Variants in PLXDC2 observed in about 807,000 individuals in gnomAD.
PLXDC2 encodes plexin domain containing 2, also known as plexin domain-containing protein 2.
In PLXDC2, 40 loss-of-function variants were observed where a neutral mutation model predicts 68.9. The observed-to-expected ratio is 0.58, with a 90% confidence interval of 0.45 to 0.76. The LOEUF is 0.76. PLXDC2 is among the 30% of genes least tolerant of loss of function. PLXDC2 has a pLI of 0.00. For synonymous variants in PLXDC2, 243 were observed against 234.2 expected, an observed-to-expected ratio of 1.04 and a Z score of -0.34; for missense variants, 644 against 661.9, an observed-to-expected ratio of 0.97 and a Z score of 0.30.
At chr10:19,907,458 C>T (rs943528438) in intron 1 of PLXDC2, among the ~76,000 whole-genome samples, 7 of 152,052 alleles carry the variant, frequency 4.6e-5, no homozygotes, top group Non-Finnish European at 8.8e-5. Context: ...GTTCTGGGAT[C>T]AACATTATGA....
In PLXDC2 at chr10:19,937,544, G is replaced by GTATATATATATATATATA. The variant is rs71388881; in HGVS notation, c.113-64209_113-64192dup. On this transcript the variant is annotated intron_variant, in intron 1 of 13. Coordinates refer to ENST00000377252, the MANE Select transcript of PLXDC2 (RefSeq NM_032812.9). ...GAATACATATCACATTATAGTCAAT[G>GTATATATATATATATATA]TATATATATATATATATATATATAT... 5.0e-4 allele frequency among the ~76,000 whole-genome samples: 48 copies of GTATATATATATATATATA among 95,954 alleles called. 1 individual carries two copies. The highest frequency in any genetic ancestry group is 9.9e-4 in the African/African-American group (24 of 24,338). The allele number at this position is 95,954 out of a possible 152,430, so 62.9% of individuals were successfully genotyped here.
chr10:19,911,599 T>A (rs1833272821), intron 1 of PLXDC2, among the ~76,000 whole-genome samples: 1 of 152,236 alleles, frequency 6.6e-6, no homozygotes, highest in African/African-American at 2.4e-5. Flanking sequence ...TAAGGGATCT[T>A]TGAAGTCATC....
chr10:20,207,324 C>T (rs376639546), intron 9 of PLXDC2, among the ~76,000 whole-genome samples: 19 of 152,258 alleles, frequency 1.2e-4, no homozygotes, highest in African/African-American at 4.1e-4. Flanking sequence ...CATTTCTGCA[C>T]TTTTCCCTGG....
intron 1 of PLXDC2, among the ~76,000 whole-genome samples, chr10:19,888,429 G>A (rs1444908361): frequency 1.3e-5 from 2 of 152,160 alleles, no homozygotes; most frequent in African/African-American, 4.8e-5. Flanking sequence ...ACCAAGAGCG[G>A]GGTGCAGTGG....
At chr10:19,930,834 G>A (rs981221705) in intron 1 of PLXDC2, among the ~76,000 whole-genome samples, 1 of 151,946 alleles carries the variant, frequency 6.6e-6, no homozygotes, top group East Asian at 1.9e-4. Context: ...CTGGTTGCAG[G>A]TGCTTGCAAT....
At chr10:20,029,348 A>G (rs975685008) in intron 2 of PLXDC2, among the ~76,000 whole-genome samples, 2 of 152,186 alleles carry the variant, frequency 1.3e-5, no homozygotes, top group African/African-American at 4.8e-5. Flanking sequence ...TCCCACATAC[A>G]TAATCCATGC....
chr10:19,958,912 TAGGC>T (rs1834112981), intron 1 of PLXDC2, among the ~76,000 whole-genome samples: 1 of 152,216 alleles, frequency 6.6e-6, no homozygotes, highest in South Asian at 2.1e-4. Flanking sequence ...CAATGCTGTC[TAGGC>T]ACATTATTTT....
chr10:19,947,899 G>T (rs12357106), intron 1 of PLXDC2, among the ~76,000 whole-genome samples: 1 of 152,040 alleles, frequency 6.6e-6, no homozygotes, highest in Non-Finnish European at 1.5e-5. Context: ...TCTTATTGCA[G>T]ATGTCCCTCA....
rs1393940570 is a variant in PLXDC2, at chr10:20,289,146, A to G, written c.*9327A>G. On this transcript the variant is annotated 3_prime_UTR_variant, in exon 14 of 14. Coordinates refer to ENST00000377252, the MANE Select transcript of PLXDC2 (RefSeq NM_032812.9). ...ATTGTGGAAGAAATTCTGTGTGCAG[A>G]ATTCAGAGGCACAAGGCTGATGGCA... 6.6e-6 allele frequency: 1 copy of G among 152,220 alleles called. No homozygotes were observed. Among genetic ancestry groups the G allele is most frequent in the African/African-American group, 2.4e-5 (1 of 41,456 alleles). The allele number at this position is 152,220 out of a possible 1,614,324, so 9.4% of individuals were successfully genotyped here.
At chr10:20,109,767 A>G (rs1833535156) in intron 4 of PLXDC2, among the ~76,000 whole-genome samples, 1 of 152,210 alleles carries the variant, frequency 6.6e-6, no homozygotes, top group South Asian at 2.1e-4. Flanking sequence ...TGACTTAACT[A>G]TTCAATTAAC....
intron 13 of PLXDC2, among the ~76,000 whole-genome samples, chr10:20,258,253 G>A (rs1477301464): frequency 4.0e-5 from 6 of 151,892 alleles, no homozygotes; most frequent in South Asian, 2.1e-4. Context: ...CGCCCGCCTC[G>A]GCTTCCCAAA....
At chr10:20,180,838 C>A (rs1444991615) in intron 9 of PLXDC2, among the ~76,000 whole-genome samples, 1 of 152,030 alleles carries the variant, frequency 6.6e-6, no homozygotes, top group Admixed American at 6.6e-5. Flanking sequence ...TGGTCCATTT[C>A]TTTGAACTAA....
chr10:20,141,874 T>G (rs770111696), intron 4 of PLXDC2, among the ~76,000 whole-genome samples: 1 of 152,032 alleles, frequency 6.6e-6, no homozygotes, highest in African/African-American at 2.4e-5. Flanking sequence ...AAGATAGTGC[T>G]TGGCAAATAA....
chr10:20,191,070 G>A (rs1834758649), intron 9 of PLXDC2, among the ~76,000 whole-genome samples: 1 of 151,610 alleles, frequency 6.6e-6, no homozygotes, highest in Non-Finnish European at 1.5e-5. Context: ...TGTCATTCAT[G>A]GAAAAGTGCA....
intron 12 of PLXDC2, among the ~76,000 whole-genome samples, chr10:20,220,713 T>C (rs916019783): frequency 3.9e-5 from 6 of 152,192 alleles, no homozygotes; most frequent in African/African-American, 1.4e-4. Context: ...TGTTGCTGGC[T>C]TGGGGCTACA....
chr10:19,889,237 A>T (rs1347116158), intron 1 of PLXDC2, among the ~76,000 whole-genome samples: 2 of 151,848 alleles, frequency 1.3e-5, no homozygotes, highest in Non-Finnish European at 2.9e-5. Context: ...TTTTTCTTCA[A>T]ATTCATATGA....
intron 1 of PLXDC2, among the ~76,000 whole-genome samples, chr10:19,942,360 G>C (rs1833833462): frequency 6.6e-6 from 1 of 152,122 alleles, no homozygotes; most frequent in Non-Finnish European, 1.5e-5. Context: ...ATAATTTTAA[G>C]TACACTATCT....
Position 20,283,847 on chromosome 10 carries a change from A to G in PLXDC2, c.*4028A>G, listed in dbSNP as rs2119404882. ...GGCATTAAAATATAAAACTATTTGG[A>G]ACTTAATGTAAACCTTTGCACATGC... is the stretch of plus-strand genomic sequence containing the variant. On this transcript the variant is annotated 3_prime_UTR_variant, in exon 14 of 14. Transcript: ENST00000377252. 1 of 152,350 alleles carries G rather than the reference A, an allele frequency of 6.6e-6. No individual in the cohort carries two copies. The highest frequency in any genetic ancestry group is 2.4e-5 in the African/African-American group (1 of 41,592). 9.4% of individuals were successfully genotyped at this position (152,350 alleles called of 1,614,324 possible).
At chr10:19,856,014 G>A (rs1168761801) in intron 1 of PLXDC2, among the ~76,000 whole-genome samples, 1 of 152,190 alleles carries the variant, frequency 6.6e-6, no homozygotes, top group Non-Finnish European at 1.5e-5. Context: ...AGAATTGCTT[G>A]AACCTGGGAG....
Sources: allele counts gnomAD v4.1 joint callset (sites outside exome capture counted in the v4.1 genomes callset), GRCh38; gene constraint gnomAD v4.1.1; transcripts MANE v1.5; gene names NCBI Gene and HGNC (gene_info 2026-07-23, HGNC 2026-07-21).